PCDHGC3: variants seen among roughly 807,000 people sequenced by gnomAD.
PCDHGC3 encodes the protein protocadherin gamma-C3.
In PCDHGC3, 26 loss-of-function variants were observed where a neutral mutation model predicts 59.2. That is an observed-to-expected ratio of 0.44 (90% CI 0.32 to 0.61). The LOEUF (loss-of-function observed/expected upper bound fraction) is 0.61, where lower values mean the gene tolerates loss of function less well. Among genes scored for constraint, PCDHGC3 ranks in the 20% least tolerant of loss-of-function variants. PCDHGC3 has a pLI of 0.05. For missense variants in PCDHGC3, 1,080 were observed against 1,221.8 expected (o/e 0.88, Z 1.73); for synonymous variants, 487 against 519.7 (o/e 0.94, Z 0.86).
At chr5:141,496,630 T>C (rs2099770022) in intron 2 of PCDHGC3, among the ~76,000 whole-genome samples, 1 of 152,202 alleles carries the variant, frequency 6.6e-6, no homozygotes, top group Non-Finnish European at 1.5e-5. Context: ...TCAAAAGGCT[T>C]GGGCTGCCCT....
chr5:141,489,944 T>A lies in PCDHGC3; in HGVS notation c.2431-4863T>A. On this transcript the variant is annotated intron_variant, in intron 1 of 3. Coordinates refer to ENST00000308177, the MANE Select transcript of PCDHGC3 (RefSeq NM_002588.4). The surrounding 1 kb of genome is among the most constrained non-coding windows in gnomAD (Gnocchi z 4.5). ...CTTATCTCTGTCATCGTGCTGGACA[T>A]CAATGATAATGCTCCAACCTTCCAA... 1 of 1,614,172 alleles carries A rather than the reference T, an allele frequency of 6.2e-7. No individual in the cohort carries two copies. The highest frequency in any genetic ancestry group is 8.5e-7 in the Non-Finnish European group (1 of 1,180,010).
At chr5:141,501,103 G>A (rs1449600108) in intron 2 of PCDHGC3, among the ~76,000 whole-genome samples, 9 of 152,078 alleles carry the variant, frequency 5.9e-5, no homozygotes, top group African/African-American at 1.4e-4. Context: ...TCTTGACCTC[G>A]TGATCCGCCT....
chr5:141,478,668 T>G (rs1411369994), intron 1 of PCDHGC3, 122 bp downstream of exon 1: 40 of 1,551,660 alleles, frequency 2.6e-5, no homozygotes, highest in Non-Finnish European at 3.4e-5. Flanking sequence ...CATTCACACT[T>G]TCAACTGGCC....
At chr5:141,480,715 G>A (rs906358826) in intron 1 of PCDHGC3, among the ~76,000 whole-genome samples, 1 of 152,124 alleles carries the variant, frequency 6.6e-6, no homozygotes, top group African/African-American at 2.4e-5. Flanking sequence ...ACAAATGAAA[G>A]CACAGTCTCT....
intron 2 of PCDHGC3, among the ~76,000 whole-genome samples, chr5:141,498,068 A>G (rs765582921): frequency 6.6e-6 from 1 of 152,244 alleles, no homozygotes; most frequent in Non-Finnish European, 1.5e-5. Context: ...TGAAACTGTC[A>G]TAAGTGCTAG....
chr5:141,496,081 C>A (rs976166091), intron 2 of PCDHGC3, among the ~76,000 whole-genome samples: 1 of 152,060 alleles, frequency 6.6e-6, no homozygotes, highest in Non-Finnish European at 1.5e-5. Flanking sequence ...CACAACCCCC[C>A]ACCCACCACC....
Position 141,485,550 on chromosome 5 carries a change from TG to T in PCDHGC3, c.2430+7005del. On this transcript the variant is annotated intron_variant, in intron 1 of 3. Coordinates refer to ENST00000308177, the MANE Select transcript of PCDHGC3 (RefSeq NM_002588.4). The surrounding 1 kb of genome is among the most constrained non-coding windows in gnomAD (Gnocchi z 5.7). ...CGAGCAGAGGTAGAGATCGTAGATGTGAATGATCACGCCCCCCGTTTTCCGC... is the reference window on the plus strand; with the variant it reads ...CGAGCAGAGGTAGAGATCGTAGATGTAATGATCACGCCCCCCGTTTTCCGC... The T allele has an allele frequency of 6.2e-7, 1 of 1,613,820 alleles. No individual in the cohort carries two copies.
chr5:141,495,529 C>T (rs1466269939), intron 2 of PCDHGC3, among the ~76,000 whole-genome samples: 1 of 152,210 alleles, frequency 6.6e-6, no homozygotes, highest in African/African-American at 2.4e-5. Flanking sequence ...ACCTCTCAGT[C>T]CTTCCCTCAG....
At position 141,489,314 on chromosome 5, in the gene PCDHGC3, G is replaced by C. The variant is rs374235290; in HGVS notation, c.2431-5493G>C. The stretch of plus-strand genomic sequence containing the variant: ...TGCATGTTGTCCTTGTGCTGCTGGG[G>C]CTGGGTGTCTGGGCAGCTTCGTTAC... On this transcript the variant is annotated intron_variant, in intron 1 of 3. Coordinates refer to ENST00000308177, the MANE Select transcript of PCDHGC3 (RefSeq NM_002588.4). This position sits in a 1 kb window ranked among gnomAD's most constrained non-coding sequence, Gnocchi z 4.5. 2 of 1,596,790 alleles carry C rather than the reference G, an allele frequency of 1.3e-6. No homozygotes were observed. The highest frequency in any genetic ancestry group is 2.2e-5 in the East Asian group (1 of 44,724).
At chr5:141,499,679 T>G (rs2099793341) in intron 2 of PCDHGC3, among the ~76,000 whole-genome samples, 1 of 150,922 alleles carries the variant, frequency 6.6e-6, no homozygotes, top group South Asian at 2.1e-4. Context: ...CCACCATCTT[T>G]AACAGATGAC....
At chr5:141,498,073 T>C (rs1474889879) in intron 2 of PCDHGC3, among the ~76,000 whole-genome samples, 1 of 152,214 alleles carries the variant, frequency 6.6e-6, no homozygotes, top group Non-Finnish European at 1.5e-5. Context: ...CTGTCATAAG[T>C]GCTAGGTAGA....
At chr5:141,496,588 C>T (rs775641672) in intron 2 of PCDHGC3, among the ~76,000 whole-genome samples, 9 of 152,280 alleles carry the variant, frequency 5.9e-5, no homozygotes, top group Non-Finnish European at 1.0e-4. Context: ...GAACGCAAAG[C>T]GCTTCTTAGA....
At chr5:141,492,495 G>A (rs750427038) in intron 1 of PCDHGC3, among the ~76,000 whole-genome samples, 65 of 152,186 alleles carry the variant, frequency 4.3e-4, no homozygotes, top group Non-Finnish European at 6.0e-4. Context: ...ACCAGGCGAG[G>A]ACTCCGGAGC....
chr5:141,477,171 TCA>T lies in PCDHGC3; in HGVS notation c.1058_1059del (p.Thr353SerfsTer25), dbSNP rs772104411. On this transcript the variant is annotated frameshift_variant, in exon 1 of 4. Transcript: ENST00000308177. LOFTEE classifies it high-confidence loss of function. This position sits in a 1 kb window ranked among gnomAD's most constrained non-coding sequence, Gnocchi z 4.9. ...GATGTGAATGACAACGCCCCGGAGA[TCA>T]CAGTCACCTCCGTGTACAGCCCAGT... 6.2e-7 allele frequency: 1 copy of T among 1,614,072 alleles called. No individual in the cohort carries two copies. Among genetic ancestry groups the T allele is most frequent in the Non-Finnish European group, 8.5e-7 (1 of 1,179,988 alleles).
intron 1 of PCDHGC3, among the ~76,000 whole-genome samples, chr5:141,492,095 CT>C (rs1047956109): frequency 6.6e-6 from 1 of 152,232 alleles, no homozygotes; most frequent in African/African-American, 2.4e-5. Context: ...CTTCGCCGGT[CT>C]GTAGATTTCC....
Position 141,485,263 on chromosome 5 carries a change from G to A in PCDHGC3, c.2430+6717G>A. 1 of 1,614,162 alleles carries A rather than the reference G, an allele frequency of 6.2e-7. No individual in the cohort carries two copies. On this transcript the variant is annotated intron_variant, in intron 1 of 3. Transcript: ENST00000308177. This position sits in a 1 kb window ranked among gnomAD's most constrained non-coding sequence, Gnocchi z 5.7. ...ACCACCTGGGTTACGTTTGTGGGCA[G>A]ATCCGCTACCCGGTCCCAGAGGAGT...
Position 141,490,685 on chromosome 5 carries a change from A to G in PCDHGC3, c.2431-4122A>G, listed in dbSNP as rs2099703028. On this transcript the variant is annotated intron_variant, in intron 1 of 3. Coordinates refer to ENST00000308177, the MANE Select transcript of PCDHGC3 (RefSeq NM_002588.4). The surrounding 1 kb of genome is among the most constrained non-coding windows in gnomAD (Gnocchi z 5.4). ...TGCACTGTGGCTGCCTCAGATCCAGACACTGGGGATAATGCCCGCCTCACC... is the reference window on the plus strand; with the variant it reads ...TGCACTGTGGCTGCCTCAGATCCAGGCACTGGGGATAATGCCCGCCTCACC... The G allele has an allele frequency of 1.9e-6, 3 of 1,614,030 alleles. No individual in the cohort carries two copies. Among genetic ancestry groups the G allele is most frequent in the South Asian group, 2.2e-5 (2 of 91,082 alleles).
chr5:141,497,326 T>C (rs1021730142), intron 2 of PCDHGC3, among the ~76,000 whole-genome samples: 1 of 152,060 alleles, frequency 6.6e-6, no homozygotes, highest in Non-Finnish European at 1.5e-5. Flanking sequence ...TGAAGCAGAA[T>C]TCACCATTGA....
rs1403789987 is a variant in PCDHGC3 at position 141,511,845 on chromosome 5, T to C, written c.*672T>C. The C allele has an allele frequency of 6.4e-6, 1 of 156,740 alleles. No individual in the cohort carries two copies. The highest frequency in any genetic ancestry group is 1.4e-5 in the Non-Finnish European group (1 of 70,694). 9.7% of individuals were successfully genotyped at this position (156,740 alleles called of 1,614,324 possible). A position where few individuals can be genotyped will look rare whatever the true frequency, so the allele number is the denominator to read the frequency against. On this transcript the variant is annotated 3_prime_UTR_variant, in exon 4 of 4. Transcript: ENST00000308177. ...AACGCCCTGGGGACCAGTCTTCTGT[T>C]TTGTTTTTCATTGTTTGACGTTTCC...
Sources: gnomAD v4.1 joint callset for allele counts (sites outside exome capture counted in the v4.1 genomes callset) on GRCh38, gnomAD v4.1.1 for gene constraint, Gnocchi (gnomAD v3.1) non-coding constraint, MANE v1.5 for transcripts, NCBI Gene and HGNC (gene_info 2026-07-23, HGNC 2026-07-21) for gene names.